Variants in SPMAP2 observed in about 807,000 individuals in gnomAD.
SPMAP2 encodes the protein Theg homolog.
the SPMAP2 span, among the ~76,000 whole-genome samples, chr19:362,872 A>C: frequency 6.6e-6 from 1 of 151,814 alleles, no homozygotes; most frequent in Non-Finnish European, 1.5e-5. Flanking sequence ...AATATGACTC[A>C]GCCAAGAAAA....
At chr19:373,897 G>C in the SPMAP2 span, 308,207 of 1,584,374 alleles carry the variant, frequency 0.19, 30,869 homozygotes, top group Middle Eastern at 0.21. Flanking sequence ...CCTGACACGT[G>C]TCCCCCAGCA....
At chr19:367,374 A>C in the SPMAP2 span, 3 of 759,358 alleles carry the variant, frequency 4.0e-6, no homozygotes, top group South Asian at 7.0e-5. Flanking sequence ...AGGATTAGTA[A>C]CTATCACGCA....
At chr19:375,988 G>GC in the SPMAP2 span, 2 of 1,382,276 alleles carry the variant, frequency 1.4e-6, no homozygotes, top group South Asian at 3.9e-5. Context: ...TCCCTTCCCA[G>GC]CCCCCGCGGC....
the SPMAP2 span, among the ~76,000 whole-genome samples, chr19:367,680 G>A: frequency 5.3e-5 from 8 of 152,308 alleles, no homozygotes; most frequent in Admixed American, 2.0e-4. Flanking sequence ...AGCTGAACAC[G>A]CGCAGGCTTG....
chr19:375,092 G>A, the SPMAP2 span, among the ~76,000 whole-genome samples: 62 of 152,248 alleles, frequency 4.1e-4, no homozygotes, highest in Admixed American at 7.2e-4. Context: ...CAGGGACCAC[G>A]CTGCAGGGAG....
At chr19:372,751 A>T in the SPMAP2 span, 24 of 1,572,336 alleles carry the variant, frequency 1.5e-5, no homozygotes, top group East Asian at 4.0e-4. Context: ...AACACCCTGC[A>T]GTTCCCAGGG....
chr19:367,657 G>A, the SPMAP2 span, among the ~76,000 whole-genome samples: 1 of 152,138 alleles, frequency 6.6e-6, no homozygotes, highest in East Asian at 1.9e-4. Context: ...GGAGCAATTC[G>A]TCCACTAGGT....
At chr19:370,347 G>GTTTT in the SPMAP2 span, among the ~76,000 whole-genome samples, 5 of 146,758 alleles carry the variant, frequency 3.4e-5, no homozygotes, top group African/African-American at 7.5e-5. Flanking sequence ...TCACAGTTTT[G>GTTTT]TTTTTTTTTT....
At chr19:374,108 C>T in the SPMAP2 span, 2 of 1,470,902 alleles carry the variant, frequency 1.4e-6, no homozygotes, top group Non-Finnish European at 1.9e-6. Context: ...GCCCAGAGGG[C>T]CACCGTTCCC....
At chr19:374,391 G>A in the SPMAP2 span, 24 of 1,614,118 alleles carry the variant, frequency 1.5e-5, no homozygotes, top group Non-Finnish European at 1.8e-5. Context: ...TCATGGTGGT[G>A]CTGGGGAGCT....
the SPMAP2 span, chr19:376,004 T>C: frequency 2.9e-6 from 4 of 1,381,796 alleles, no homozygotes; most frequent in Non-Finnish European, 3.7e-6. Context: ...GCGGCCTCAC[T>C]CTCCCGGCAC....
chr19:363,154 T>C, the SPMAP2 span, among the ~76,000 whole-genome samples: 1 of 152,190 alleles, frequency 6.6e-6, no homozygotes, highest in South Asian at 2.1e-4. Flanking sequence ...ACCCTGTGAC[T>C]GTACTAAAAG....
the SPMAP2 span, chr19:362,177 G>A: frequency 1.4e-6 from 2 of 1,454,430 alleles, no homozygotes. Flanking sequence ...GGTGCCTGAG[G>A]GTGTTTACTG....
the SPMAP2 span, among the ~76,000 whole-genome samples, chr19:370,205 G>A: frequency 1.2e-4 from 19 of 152,340 alleles, no homozygotes; most frequent in African/African-American, 3.8e-4. Context: ...GCAAGACGGC[G>A]CCGTCACTTT....
the SPMAP2 span, chr19:375,592 G>T: frequency 7.0e-7 from 1 of 1,418,474 alleles, no homozygotes; most frequent in Non-Finnish European, 9.4e-7. Flanking sequence ...GGGGGCTGCT[G>T]CCCTCCCCCC....
the SPMAP2 span, among the ~76,000 whole-genome samples, chr19:364,336 CAAAAAAAA>C: frequency 9.4e-5 from 7 of 74,160 alleles, no homozygotes; most frequent in African/African-American, 4.5e-4. Context: ...AGCTCTGTCT[CAAAAAAAA>C]AAAAAAAAAA....
the SPMAP2 span, chr19:362,481 AT>A: frequency 6.9e-7 from 1 of 1,443,788 alleles, no homozygotes; most frequent in Non-Finnish European, 9.4e-7. Context: ...AAAGCTCCAC[AT>A]TCAGGCTGGG....
At chr19:374,176 TTGCTGGATG>T in the SPMAP2 span, 2 of 1,522,530 alleles carry the variant, frequency 1.3e-6, no homozygotes, top group Non-Finnish European at 1.8e-6. Context: ...TACCCTAAGT[TTGCTGGATG>T]TGGTGGCAGC....
chr19:375,599 C>T, the SPMAP2 span: 2 of 1,446,530 alleles, frequency 1.4e-6, no homozygotes, highest in African/African-American at 1.4e-5. Context: ...GCTGCCCTCC[C>T]CCCACTGCCA....
Sources: gnomAD v4.1 joint callset for allele counts (sites outside exome capture counted in the v4.1 genomes callset) on GRCh38, gnomAD v4.1.1 for gene constraint, MANE v1.5 for transcripts, NCBI Gene and HGNC (gene_info 2026-07-23, HGNC 2026-07-21) for gene names.